Variants in GALNT9 observed in about 807,000 individuals in gnomAD.
GALNT9 encodes GalNAc transferase 9.
A neutral mutation model predicts 63.1 loss-of-function variants in GALNT9; 47 were observed. The observed-to-expected ratio is 0.75, with a 90% CI of 0.59 to 0.95. The LOEUF (loss-of-function observed/expected upper bound fraction) is 0.95. GALNT9 is among the 40% of genes least tolerant of loss of function. The pLI is 0.00. For synonymous variants in GALNT9, 396 were observed against 365.7 expected (o/e 1.08, Z -0.94); for missense variants, 829 against 874.8 (o/e 0.95, Z 0.66).
At chr12:132,211,229 C>T (rs935150872) in intron 6 of GALNT9, among the ~76,000 whole-genome samples, 2 of 152,206 alleles carry the variant, frequency 1.3e-5, no homozygotes, top group African/African-American at 2.4e-5. Flanking sequence ...CTTCCACAAC[C>T]AGCAGGATGC....
chr12:132,314,377 A>G, intron 1 of GALNT9, among the ~76,000 whole-genome samples: 1 of 152,088 alleles, frequency 6.6e-6, no homozygotes, highest in East Asian at 1.9e-4. Flanking sequence ...GGGACCTACC[A>G]TGTGGGAGGC....
chr12:132,267,816 C>T lies in GALNT9; in HGVS notation c.420-5191G>A, dbSNP rs564891799. Among the ~76,000 whole-genome samples, 4 of 149,800 alleles carry T rather than the reference C, an allele frequency of 2.7e-5. No individual in the cohort carries two copies. In the South Asian group the frequency reaches 6.4e-4, roughly 24 times the overall value. ...GCACTCACACGCACTCACACACGCACTCACACATGCAGTCACACACATGCA... is the reference window on the plus strand; with the variant it reads ...GCACTCACACGCACTCACACACGCATTCACACATGCAGTCACACACATGCA... On this transcript the variant is annotated intron_variant, in intron 2 of 10. Transcript: ENST00000328957.
intron 1 of GALNT9, among the ~76,000 whole-genome samples, chr12:132,298,291 T>A (rs1345518338): frequency 1.3e-5 from 2 of 151,686 alleles, no homozygotes; most frequent in South Asian, 2.1e-4. Context: ...AGTCCCATGA[T>A]AACTAACCCA....
At chr12:132,266,867 G>A (rs1340541248) in intron 2 of GALNT9, among the ~76,000 whole-genome samples, 1 of 152,114 alleles carries the variant, frequency 6.6e-6, no homozygotes, top group African/African-American at 2.4e-5. Context: ...GGGGATATGA[G>A]GGGGGTCCTG....
At chr12:132,251,223 C>T (rs116035693) in intron 5 of GALNT9, among the ~76,000 whole-genome samples, 1,807 of 152,302 alleles carry the variant, frequency 0.012, 31 homozygotes, top group African/African-American at 0.041. Flanking sequence ...TTATGAATTT[C>T]GATCGATACA....
chr12:132,283,582 C>A (rs1392059020), intron 2 of GALNT9: 1 of 152,384 alleles, frequency 6.6e-6, no homozygotes, highest in East Asian at 1.9e-4. Flanking sequence ...ACGGTGGGCA[C>A]TTGGCCTCAC....
chr12:132,228,617 G>C (rs1044957557), intron 6 of GALNT9, among the ~76,000 whole-genome samples: 3 of 152,020 alleles, frequency 2.0e-5, no homozygotes, highest in African/African-American at 4.8e-5. Flanking sequence ...GGCCCCAGAC[G>C]TTCTGATGCT....
At chr12:132,228,570 AC>A (rs1414369165) in intron 6 of GALNT9, among the ~76,000 whole-genome samples, 9 of 151,754 alleles carry the variant, frequency 5.9e-5, no homozygotes, top group African/African-American at 2.2e-4. Context: ...ATCTTGATGA[AC>A]CCACCCCCTT....
Position 132,198,089 on chromosome 12 carries a change from CG to C in GALNT9, c.1498-131del, listed in dbSNP as rs1875668251. The stretch of plus-strand genomic sequence containing the variant: ...GCGGCTGCCTTGGAGCCTCCCACCC[CG>C]GGGACGCTGTTGCGGGCGGGAGAGG... On this transcript the variant is annotated intron_variant, in intron 9 of 10. Transcript: ENST00000328957. 7 of 738,958 alleles carry C rather than the reference CG, an allele frequency of 9.5e-6. No homozygotes were observed. The Admixed American group carries it at 1.7e-4, about 18-fold the overall frequency. 45.8% of individuals were successfully genotyped at this position (738,958 alleles called of 1,614,324 possible). A position where few individuals can be genotyped will look rare whatever the true frequency, so the allele number is the denominator to read the frequency against.
chr12:132,255,261 A>G (rs782364974), intron 5 of GALNT9, among the ~76,000 whole-genome samples: 6 of 152,184 alleles, frequency 3.9e-5, no homozygotes, highest in Non-Finnish European at 1.5e-5. Context: ...TTTTGTAGAG[A>G]TAAAATGCAT....
intron 6 of GALNT9, among the ~76,000 whole-genome samples, chr12:132,213,470 ACACT>A (rs1319707643): frequency 2.4e-5 from 2 of 82,752 alleles, no homozygotes; most frequent in Non-Finnish European, 4.9e-5. Flanking sequence ...ACACACAGGC[ACACT>A]CACACCCACA....
chr12:132,322,970 G>C (rs1392071237), intron 1 of GALNT9, among the ~76,000 whole-genome samples: 1 of 152,094 alleles, frequency 6.6e-6, no homozygotes, highest in Non-Finnish European at 1.5e-5. Context: ...GCACTTCCTC[G>C]GGCTCGAGAG....
In GALNT9 at chr12:132,197,391, C is replaced by T; in HGVS notation, c.1666-138G>A. Reference sequence around the variant, plus strand: ...CTTGAATGGAAAGCCAGCATCACAGCAGCACCCAGGGGGGCCGGGAAGGGG... The same window carrying T: ...CTTGAATGGAAAGCCAGCATCACAGTAGCACCCAGGGGGGCCGGGAAGGGG... On this transcript the variant is annotated intron_variant, in intron 10 of 10. Transcript: ENST00000328957. 4 of 1,300,420 alleles carry T rather than the reference C, an allele frequency of 3.1e-6. 1 individual carries two copies. In the South Asian group the frequency reaches 5.8e-5, roughly 19 times the overall value. The allele number at this position is 1,300,420 out of a possible 1,614,324, so 80.6% of individuals were successfully genotyped here. A position where few individuals can be genotyped will look rare whatever the true frequency, so the allele number is the denominator to read the frequency against.
chr12:132,328,860 G>A (rs1566026864), intron 1 of GALNT9, 106 bp downstream of exon 1: 6 of 1,292,104 alleles, frequency 4.6e-6, no homozygotes, highest in Non-Finnish European at 6.1e-6. Flanking sequence ...CCCTCCCACA[G>A]GGGCGCAGAG....
chr12:132,258,445 G>A (rs1246700827), intron 4 of GALNT9, among the ~76,000 whole-genome samples: 1 of 151,792 alleles, frequency 6.6e-6, no homozygotes, highest in African/African-American at 2.4e-5. Context: ...GTTGTGCAGA[G>A]TGGAACCTGC....
chr12:132,230,619 G>A (rs1244285867), intron 6 of GALNT9, among the ~76,000 whole-genome samples: 11 of 152,168 alleles, frequency 7.2e-5, no homozygotes, highest in Non-Finnish European at 1.3e-4. Context: ...AAGTCCTCAC[G>A]GAGTGGATGA....
At chr12:132,268,110 C>CA (rs1453520439) in intron 2 of GALNT9, among the ~76,000 whole-genome samples, 1 of 147,026 alleles carries the variant, frequency 6.8e-6, no homozygotes, top group East Asian at 2.0e-4. Context: ...CGCACTCACA[C>CA]ACACAAACCC....
At chr12:132,325,395 G>A (rs1415891980) in intron 1 of GALNT9, among the ~76,000 whole-genome samples, 1 of 152,292 alleles carries the variant, frequency 6.6e-6, no homozygotes, top group South Asian at 2.1e-4. Context: ...CAGTGGACAC[G>A]AGCGAGGTGT....
chr12:132,307,707 G>T (rs1160618329), intron 1 of GALNT9, among the ~76,000 whole-genome samples: 2 of 151,064 alleles, frequency 1.3e-5, no homozygotes, highest in East Asian at 1.9e-4. Flanking sequence ...GGTGGCGGGC[G>T]CCTGTAGTCT....
Sources: gnomAD v4.1 joint callset for allele counts (sites outside exome capture counted in the v4.1 genomes callset) on GRCh38, gnomAD v4.1.1 for gene constraint, MANE v1.5 for transcripts, NCBI Gene and HGNC (gene_info 2026-07-23, HGNC 2026-07-21) for gene names.